Variants in MTCL2 observed in about 807,000 individuals in gnomAD.
The protein encoded by MTCL2 is microtubule cross-linking factor 2.
At chr20:36,855,029 G>A in the MTCL2 span, among the ~76,000 whole-genome samples, 1 of 152,142 alleles carries the variant, frequency 6.6e-6, no homozygotes, top group Non-Finnish European at 1.5e-5. Context: ...AACACCCACA[G>A]AGGGACACCC....
the MTCL2 span, among the ~76,000 whole-genome samples, chr20:36,807,480 G>A: frequency 1.3e-5 from 2 of 152,196 alleles, no homozygotes; most frequent in Non-Finnish European, 2.9e-5. Flanking sequence ...ACTAAGATGA[G>A]TGTGACCAAG....
the MTCL2 span, among the ~76,000 whole-genome samples, chr20:36,803,944 G>C: frequency 1.6e-5 from 2 of 121,460 alleles, no homozygotes; most frequent in Middle Eastern, 6.3e-3. Flanking sequence ...GTGACACAGT[G>C]AGATGCCGTC....
chr20:36,807,545 T>A, the MTCL2 span, among the ~76,000 whole-genome samples: 2 of 152,204 alleles, frequency 1.3e-5, no homozygotes, highest in Non-Finnish European at 2.9e-5. Context: ...TGTGTGCTGC[T>A]GTGCTGATGA....
chr20:36,777,967 G>A, the MTCL2 span: 4 of 558,148 alleles, frequency 7.2e-6, no homozygotes, highest in South Asian at 9.4e-5. Context: ...GTTTGAAGAG[G>A]CGCTATCTGG....
chr20:36,804,963 G>A, the MTCL2 span: 7 of 1,576,088 alleles, frequency 4.4e-6, no homozygotes, highest in Non-Finnish European at 6.1e-6. Context: ...GGGAACCTGG[G>A]TTCAGAGAAC....
the MTCL2 span, among the ~76,000 whole-genome samples, chr20:36,830,109 C>T: frequency 6.6e-6 from 1 of 152,164 alleles, no homozygotes; most frequent in African/African-American, 2.4e-5. Context: ...GCTGAGATTA[C>T]AGGCATGAGC....
the MTCL2 span, chr20:36,862,999 G>A: frequency 7.1e-7 from 1 of 1,404,224 alleles, no homozygotes; most frequent in Non-Finnish European, 9.3e-7. Flanking sequence ...CTATCCGTGA[G>A]GCTGGGGGGC....
chr20:36,820,477 C>T, the MTCL2 span, among the ~76,000 whole-genome samples: 1 of 152,164 alleles, frequency 6.6e-6, no homozygotes, highest in Non-Finnish European at 1.5e-5. Flanking sequence ...CCAAATATGT[C>T]CACCAACTTT....
chr20:36,863,349 G>A, the MTCL2 span: 1 of 1,168,026 alleles, frequency 8.6e-7, no homozygotes. This position sits in a 1 kb window ranked among gnomAD's most constrained non-coding sequence, Gnocchi z 6.2. Flanking sequence ...CTCCATCGCG[G>A]CCTCCCTCGG....
At chr20:36,818,498 G>A in the MTCL2 span, among the ~76,000 whole-genome samples, 1 of 152,076 alleles carries the variant, frequency 6.6e-6, no homozygotes, top group African/African-American at 2.4e-5. Context: ...GGCAAACAGT[G>A]ATTCAAAAAT....
the MTCL2 span, among the ~76,000 whole-genome samples, chr20:36,828,086 G>A: frequency 1.3e-5 from 2 of 152,230 alleles, no homozygotes; most frequent in South Asian, 4.1e-4. Context: ...CTCGGGGGAG[G>A]AAGGCAGGCA....
the MTCL2 span, among the ~76,000 whole-genome samples, chr20:36,826,030 G>A: frequency 3.3e-4 from 50 of 149,960 alleles, no homozygotes; most frequent in Middle Eastern, 3.5e-3. Context: ...TCTTTGAGAC[G>A]GAGTCCCGTT....
chr20:36,827,126 G>C, the MTCL2 span, among the ~76,000 whole-genome samples: 1 of 151,652 alleles, frequency 6.6e-6, no homozygotes, highest in African/African-American at 2.4e-5. Context: ...TCGGCTCACT[G>C]CAACCTCCAC....
At chr20:36,828,722 C>G in the MTCL2 span, 30 of 260,492 alleles carry the variant, frequency 1.2e-4, no homozygotes, top group African/African-American at 6.8e-4. Context: ...GAGCCCCATG[C>G]CTGACATTGT....
At chr20:36,828,326 C>T in the MTCL2 span, among the ~76,000 whole-genome samples, 1 of 152,176 alleles carries the variant, frequency 6.6e-6, no homozygotes, top group Non-Finnish European at 1.5e-5. Flanking sequence ...TGAGGTTGTC[C>T]CTCCCTCTCT....
the MTCL2 span, chr20:36,839,486 G>T: frequency 6.3e-7 from 1 of 1,580,962 alleles, no homozygotes; most frequent in Non-Finnish European, 8.6e-7. This position sits in a 1 kb window ranked among gnomAD's most constrained non-coding sequence, Gnocchi z 5.1. Context: ...CACAGTAGCA[G>T]CTAGGAGGCC....
the MTCL2 span, among the ~76,000 whole-genome samples, chr20:36,831,950 T>C: frequency 6.6e-6 from 1 of 152,158 alleles, no homozygotes; most frequent in Non-Finnish European, 1.5e-5. Context: ...ACTAACTCAC[T>C]CACTCACTCA....
chr20:36,838,969 C>T, the MTCL2 span, among the ~76,000 whole-genome samples: 1 of 128,774 alleles, frequency 7.8e-6, no homozygotes, highest in Non-Finnish European at 1.8e-5. Flanking sequence ...AACTCTGTCT[C>T]AAAGGAAAAA....
At chr20:36,847,264 C>T in the MTCL2 span, among the ~76,000 whole-genome samples, 1 of 152,224 alleles carries the variant, frequency 6.6e-6, no homozygotes, top group South Asian at 2.1e-4. Context: ...TGTGCTCTTC[C>T]AATTTGTTCA....
Sources: allele counts gnomAD v4.1 joint callset (sites outside exome capture counted in the v4.1 genomes callset), GRCh38; gene constraint gnomAD v4.1.1; non-coding constraint Gnocchi (gnomAD v3.1); transcripts MANE v1.5; gene names NCBI Gene and HGNC (gene_info 2026-07-23, HGNC 2026-07-21).